CDKAL1: variants seen among roughly 807,000 people sequenced by gnomAD.
The protein encoded by CDKAL1 is threonylcarbamoyladenosine tRNA methylthiotransferase.
Under a neutral mutation model 68.2 loss-of-function variants are expected in CDKAL1, and 32 were observed. That is an observed-to-expected ratio of 0.47 (90% CI 0.35 to 0.63). CDKAL1 has a LOEUF of 0.63. Among genes scored for constraint, CDKAL1 ranks in the 30% least tolerant of loss-of-function variants. The pLI is 0.00. For missense variants in CDKAL1, 606 were observed against 696.7 expected (o/e 0.87, Z 1.47); for synonymous variants, 234 against 244.3 (o/e 0.96, Z 0.39).
chr6:20,830,560 A>G (rs1777675030), intron 8 of CDKAL1, among the ~76,000 whole-genome samples: 1 of 152,210 alleles, frequency 6.6e-6, no homozygotes, highest in Admixed American at 6.6e-5. Context: ...TAACATCTAA[A>G]GTAATAAGAC....
chr6:20,711,095 A>G (rs919004234), intron 5 of CDKAL1, among the ~76,000 whole-genome samples: 1 of 152,208 alleles, frequency 6.6e-6, no homozygotes, highest in African/African-American at 2.4e-5. Context: ...GATTAAGATT[A>G]TATGTAATTA....
At chr6:20,785,241 C>T (rs780920030) in intron 8 of CDKAL1, among the ~76,000 whole-genome samples, 9 of 152,036 alleles carry the variant, frequency 5.9e-5, no homozygotes, top group Non-Finnish European at 1.2e-4. Context: ...ATCACTTGCT[C>T]TCACATGAAA....
intron 11 of CDKAL1, among the ~76,000 whole-genome samples, chr6:21,040,556 G>T (rs1769862424): frequency 6.6e-6 from 1 of 152,050 alleles, no homozygotes; most frequent in Non-Finnish European, 1.5e-5. Flanking sequence ...GTAAATTATG[G>T]ATTTAAATAG....
intron 6 of CDKAL1, among the ~76,000 whole-genome samples, chr6:20,740,916 T>C (rs1212458344): frequency 6.6e-6 from 1 of 152,208 alleles, no homozygotes; most frequent in African/African-American, 2.4e-5. Flanking sequence ...TCTATAAACA[T>C]AATCCTGCTG....
chr6:21,197,391 A>C (rs1177426075), intron 13 of CDKAL1, among the ~76,000 whole-genome samples: 2 of 152,210 alleles, frequency 1.3e-5, no homozygotes, highest in Non-Finnish European at 2.9e-5. Flanking sequence ...AAAAAATAAT[A>C]AATGAACATG....
intron 13 of CDKAL1, among the ~76,000 whole-genome samples, chr6:21,137,620 ACAAT>A (rs1347199337): frequency 3.3e-5 from 5 of 152,216 alleles, no homozygotes; most frequent in African/African-American, 1.2e-4. Flanking sequence ...TTTTTTTAAA[ACAAT>A]CATTTCATTA....
intron 6 of CDKAL1, 37 bp from the exon 7 acceptor site, chr6:20,758,558 G>A (rs756818327): frequency 5.7e-6 from 9 of 1,582,750 alleles, no homozygotes; most frequent in Non-Finnish European, 7.7e-6. Context: ...GTTTCTTCGT[G>A]TAAATTACTT....
rs1179186843 is a variant in CDKAL1, at chr6:21,185,712, CT to C, written c.1300-12307del. On this transcript the variant is annotated intron_variant, in intron 13 of 15. Transcript: ENST00000274695. Reference sequence around the variant, plus strand: ...AAAATTTGTTAGAATTTCAATTTGGCTTCATTAAGTCTGAGACAGTGAAGTA... The same window carrying C: ...AAAATTTGTTAGAATTTCAATTTGGCTCATTAAGTCTGAGACAGTGAAGTA... Among the ~76,000 whole-genome samples the C allele has an allele frequency of 3.2e-4, 48 of 152,194 alleles. 1 individual carries two copies. Among genetic ancestry groups the C allele is most frequent in the African/African-American group, 1.2e-3 (48 of 41,520 alleles).
intron 15 of CDKAL1, among the ~76,000 whole-genome samples, chr6:21,223,631 G>A (rs1198759622): frequency 6.6e-6 from 1 of 152,156 alleles, no homozygotes; most frequent in Non-Finnish European, 1.5e-5. Context: ...CAGCCCCCAA[G>A]AAGAGAATAC....
chr6:20,605,307 C>T (rs773048755), intron 4 of CDKAL1, among the ~76,000 whole-genome samples: 1 of 152,194 alleles, frequency 6.6e-6, no homozygotes, highest in Non-Finnish European at 1.5e-5. Flanking sequence ...GAACTCAGAG[C>T]AGCTGAGGTT....
chr6:20,967,739 C>G (rs1765390139), intron 10 of CDKAL1, among the ~76,000 whole-genome samples: 1 of 152,158 alleles, frequency 6.6e-6, no homozygotes, highest in Non-Finnish European at 1.5e-5. Context: ...ATTGGAGAGT[C>G]CTTTCATTTC....
intron 13 of CDKAL1, among the ~76,000 whole-genome samples, chr6:21,170,396 C>T (rs1278289107): frequency 6.6e-6 from 1 of 152,072 alleles, no homozygotes; most frequent in African/African-American, 2.4e-5. Flanking sequence ...GTGCAGTGAT[C>T]TTGGCTCACT....
At chr6:20,642,671 C>T (rs1768237484) in intron 4 of CDKAL1, among the ~76,000 whole-genome samples, 1 of 152,048 alleles carries the variant, frequency 6.6e-6, no homozygotes, top group South Asian at 2.1e-4. Flanking sequence ...CATGGGAGTG[C>T]AAAGTGGCAC....
intron 8 of CDKAL1, among the ~76,000 whole-genome samples, chr6:20,824,969 A>T (rs576966226): frequency 1.3e-5 from 2 of 152,178 alleles, no homozygotes; most frequent in Admixed American, 6.5e-5. Flanking sequence ...CTTATAGCAG[A>T]TAAGTTGTAG....
intron 8 of CDKAL1, among the ~76,000 whole-genome samples, chr6:20,818,864 G>C (rs1316436630): frequency 1.3e-5 from 2 of 151,666 alleles, no homozygotes; most frequent in African/African-American, 4.8e-5. Flanking sequence ...ACCCTCTTAT[G>C]GTACCTTTTG....
At chr6:20,994,142 A>C (rs1766982626) in intron 10 of CDKAL1, among the ~76,000 whole-genome samples, 1 of 152,156 alleles carries the variant, frequency 6.6e-6, no homozygotes, top group Non-Finnish European at 1.5e-5. Flanking sequence ...TCCCTTGGTA[A>C]ACCTGAGACC....
chr6:20,768,578 G>A (rs188746814), intron 7 of CDKAL1, among the ~76,000 whole-genome samples: 74 of 152,192 alleles, frequency 4.9e-4, no homozygotes, highest in Admixed American at 8.5e-4. Flanking sequence ...TTAGTGAAGA[G>A]GGTCTTGAGT....
At chr6:20,762,165 A>G (rs938413534) in intron 7 of CDKAL1, among the ~76,000 whole-genome samples, 3 of 152,196 alleles carry the variant, frequency 2.0e-5, no homozygotes, top group Non-Finnish European at 2.9e-5. Flanking sequence ...TAAAATTTCT[A>G]TGGGAAATCA....
chr6:21,138,071 A>G (rs904731796), intron 13 of CDKAL1, among the ~76,000 whole-genome samples: 1 of 151,848 alleles, frequency 6.6e-6, no homozygotes, highest in African/African-American at 2.4e-5. Context: ...GTATTTCTAG[A>G]GTTGTATTTT....
Sources: gnomAD v4.1 joint callset for allele counts (sites outside exome capture counted in the v4.1 genomes callset) on GRCh38, gnomAD v4.1.1 for gene constraint, MANE v1.5 for transcripts, NCBI Gene and HGNC (gene_info 2026-07-23, HGNC 2026-07-21) for gene names.